Variants in MYH10 observed in about 807,000 individuals in gnomAD.
The protein encoded by MYH10 is myosin-10.
A neutral mutation model predicts 257.8 loss-of-function variants in MYH10; 55 were observed. That is an observed-to-expected ratio of 0.21 (90% CI 0.17 to 0.27). The LOEUF (loss-of-function observed/expected upper bound fraction) is 0.27. MYH10 is among the 10% of genes least tolerant of loss of function. MYH10 has a pLI of 1.00. For synonymous variants in MYH10, 854 were observed against 921.7 expected, an observed-to-expected ratio of 0.93 and a Z score of 1.33; for missense variants, 1,631 against 2,500.6, an observed-to-expected ratio of 0.65 and a Z score of 7.42.
In MYH10 at chr17:8,601,165, T is replaced by TTGCCTGCTGCTG. The variant is rs2084576075; in HGVS notation, c.502+3660_502+3661insCAGCAGCAGGCA. On this transcript the variant is annotated intron_variant, in intron 3 of 42. Transcript: ENST00000360416. ...ATCTACCCAGGTCAACCGGGGTTGG[T>TTGCCTGCTGCTG]AGCAGTGTTGGTTGCCTGCTGCTGA... Among the ~76,000 whole-genome samples, 5 of 152,322 alleles carry TTGCCTGCTGCTG rather than the reference T, an allele frequency of 3.3e-5. No individual in the cohort carries two copies. In the South Asian group the frequency reaches 1.0e-3, roughly 32 times the overall value.
intron 30 of MYH10, among the ~76,000 whole-genome samples, chr17:8,497,328 T>C (rs566839609): frequency 6.6e-6 from 1 of 151,686 alleles, no homozygotes; most frequent in Admixed American, 6.6e-5. Flanking sequence ...TCATCGACTA[T>C]ATTGTTTTTG....
chr17:8,534,680 G>A (rs2082092503), intron 16 of MYH10, among the ~76,000 whole-genome samples: 2 of 152,244 alleles, frequency 1.3e-5, no homozygotes, highest in African/African-American at 2.4e-5. Flanking sequence ...GTCTAGGCAG[G>A]GTTAGATCCA....
At position 8,504,918 on chromosome 17, in the gene MYH10, C is replaced by T. The variant is rs762343406; in HGVS notation, c.3387-12G>A. On this transcript the variant is annotated splice_polypyrimidine_tract_variant and intron_variant, in intron 27 of 42. Coordinates refer to ENST00000360416, the MANE Select transcript of MYH10 (RefSeq NM_001256012.3). This position sits in a 1 kb window ranked among gnomAD's most constrained non-coding sequence, Gnocchi z 5.6. Reference sequence around the variant, plus strand: ...TTTCATCATCACCTCTGTTAAAACACCCAGGCGCAAGAGGCACTCAGAGAT... The same window carrying T: ...TTTCATCATCACCTCTGTTAAAACATCCAGGCGCAAGAGGCACTCAGAGAT... 2 of 1,612,292 alleles carry T rather than the reference C, an allele frequency of 1.2e-6. No homozygotes were observed. Among genetic ancestry groups the T allele is most frequent in the South Asian group, 2.2e-5 (2 of 91,028 alleles).
At chr17:8,515,425 T>C (rs1467149526) in intron 21 of MYH10, among the ~76,000 whole-genome samples, 2 of 152,108 alleles carry the variant, frequency 1.3e-5, no homozygotes, top group Admixed American at 1.3e-4. Flanking sequence ...GAATTCCTCC[T>C]TGCTGGTTAG....
At chr17:8,546,059 A>G (rs1452191578) in intron 12 of MYH10, among the ~76,000 whole-genome samples, 1 of 151,876 alleles carries the variant, frequency 6.6e-6, no homozygotes, top group African/African-American at 2.4e-5. Context: ...CACCTTTAAA[A>G]AAATTTTTTT....
rs928728765 is a variant in MYH10 at position 8,477,451 on chromosome 17, T to C, written c.5707-403A>G. On this transcript the variant is annotated intron_variant, in intron 41 of 42. Coordinates refer to ENST00000360416, the MANE Select transcript of MYH10 (RefSeq NM_001256012.3). This position sits in a 1 kb window ranked among gnomAD's most constrained non-coding sequence, Gnocchi z 4.2. ...AGATGGTACAATGCATCTTTACACC[T>C]CCTTTCAAGGATGGGCATCTCAGAT... Among the ~76,000 whole-genome samples, 1 of 152,012 alleles carries C rather than the reference T, an allele frequency of 6.6e-6. No individual in the cohort carries two copies. Among genetic ancestry groups the C allele is most frequent in the Non-Finnish European group, 1.5e-5 (1 of 68,006 alleles).
chr17:8,602,767 T>C (rs149393749), intron 3 of MYH10, among the ~76,000 whole-genome samples: 64 of 152,372 alleles, frequency 4.2e-4, no homozygotes, highest in African/African-American at 1.3e-3. Context: ...TTTTTCACTA[T>C]ATACACTTTG....
At chr17:8,565,522 A>C (rs1295181443) in intron 7 of MYH10, among the ~76,000 whole-genome samples, 1 of 152,240 alleles carries the variant, frequency 6.6e-6, no homozygotes, top group Non-Finnish European at 1.5e-5. Context: ...ATAAAAGTTG[A>C]CTTTCTAAGA....
intron 16 of MYH10, among the ~76,000 whole-genome samples, chr17:8,531,541 A>T (rs2151925052): frequency 6.9e-6 from 1 of 144,540 alleles, no homozygotes; most frequent in Admixed American, 7.4e-5. Context: ...CACAAACTCT[A>T]CTTTTTTTCT....
chr17:8,478,518 G>T, intron 40 of MYH10, 72 bp from the exon 41 acceptor site: 2 of 1,438,906 alleles, frequency 1.4e-6, no homozygotes, highest in Non-Finnish European at 2.0e-6. Context: ...ATTTTTTAAA[G>T]CCCCTTTTCT....
chr17:8,480,791 C>T (rs1460608541), intron 38 of MYH10, among the ~76,000 whole-genome samples: 1 of 152,146 alleles, frequency 6.6e-6, no homozygotes, highest in Admixed American at 6.5e-5. Context: ...GCCTGCCTCT[C>T]TCCAGCTGTT....
rs1917166286 is a variant in MYH10, at chr17:8,499,375, C to T, written c.3846G>A (p.Glu1282=). Residue 1282 remains glutamate, a synonymous_variant, in exon 30 of 43, where the codon GAG becomes GAA. Transcript: ENST00000360416. The part of the protein sequence containing the change: ...KVLQQVKAES[E]HKRKKLDAQV... ...GCGCGTCGAGCTTCTTCCTCTTGTG[C>T]TCAGACTCAGCCTTGACCTGCTGCA... The T allele has an allele frequency of 6.2e-7, 1 of 1,614,092 alleles. No homozygotes were observed. Among genetic ancestry groups the T allele is most frequent in the African/African-American group, 1.3e-5 (1 of 74,926 alleles).
Position 8,569,985 on chromosome 17 carries a change from T to C in MYH10, c.664-173A>G, listed in dbSNP as rs541692699. Reference sequence around the variant, plus strand: ...GGCTTCTTAATCCTGGTTATGATAATGGACTCCACTAAAGGAAAAAATTAG... The same window carrying C: ...GGCTTCTTAATCCTGGTTATGATAACGGACTCCACTAAAGGAAAAAATTAG... On this transcript the variant is annotated intron_variant, in intron 6 of 42. Transcript: ENST00000360416. This position sits in a 1 kb window ranked among gnomAD's most constrained non-coding sequence, Gnocchi z 4.1. Among the ~76,000 whole-genome samples, 46 of 152,250 alleles carry C rather than the reference T, an allele frequency of 3.0e-4. No homozygotes were observed. In the South Asian group the frequency reaches 5.6e-3, roughly 19 times the overall value.
chr17:8,487,731 A>G, intron 35 of MYH10, 137 bp from the exon 36 acceptor site: 1 of 991,004 alleles, frequency 1.0e-6, no homozygotes, highest in East Asian at 2.4e-5. Context: ...CTCTGTTACC[A>G]AACAGTTACT....
intron 17 of MYH10, among the ~76,000 whole-genome samples, chr17:8,525,833 C>A (rs1018562538): frequency 2.1e-4 from 32 of 152,150 alleles, no homozygotes; most frequent in African/African-American, 7.2e-4. Context: ...TGCTCTGTCA[C>A]CCAGGCTGGA....
chr17:8,624,835 C>A (rs895521066), intron 1 of MYH10, among the ~76,000 whole-genome samples: 1 of 152,184 alleles, frequency 6.6e-6, no homozygotes, highest in East Asian at 1.9e-4. Context: ...GGGAGGAGTG[C>A]TTGAAGCCAA....
chr17:8,531,013 A>G (rs1025935493), intron 16 of MYH10, among the ~76,000 whole-genome samples: 4 of 152,228 alleles, frequency 2.6e-5, no homozygotes, highest in Non-Finnish European at 5.9e-5. Flanking sequence ...GTCTATCGTA[A>G]AAATATCTTA....
intron 33 of MYH10, 36 bp from the exon 34 acceptor site, chr17:8,492,545 A>G (rs767556857): frequency 6.4e-7 from 1 of 1,570,882 alleles, no homozygotes; most frequent in Middle Eastern, 1.7e-4. Flanking sequence ...CGAAAAACCG[A>G]AACAGTGACA....
intron 2 of MYH10, among the ~76,000 whole-genome samples, chr17:8,619,982 C>T (rs1469418991): frequency 6.6e-6 from 1 of 152,148 alleles, no homozygotes; most frequent in Non-Finnish European, 1.5e-5. Flanking sequence ...ATGCATACTT[C>T]ATTGATAAAC....
Sources: allele counts gnomAD v4.1 joint callset (sites outside exome capture counted in the v4.1 genomes callset), GRCh38; gene constraint gnomAD v4.1.1; non-coding constraint Gnocchi (gnomAD v3.1); transcripts MANE v1.5; gene names NCBI Gene and HGNC (gene_info 2026-07-23, HGNC 2026-07-21).